The following MAX variants were observed in gnomAD, a reference collection of about 807,000 sequenced individuals.
The protein encoded by MAX is protein max.
Under a neutral mutation model 22.3 loss-of-function variants are expected in MAX, and 3 were observed. The observed-to-expected ratio is 0.13, with a 90% confidence interval of 0.06 to 0.35. The LOEUF (loss-of-function observed/expected upper bound fraction) is 0.35. Ranked by LOEUF, MAX falls within the 10% of genes least tolerant of loss-of-function variation. MAX has a pLI of 1.00. For synonymous variants in MAX, 72 were observed against 77.7 expected, an observed-to-expected ratio of 0.93 and a Z score of 0.39; for missense variants, 119 against 209.4, an observed-to-expected ratio of 0.57 and a Z score of 2.66.
At chr14:65,096,179 G>C (rs2063669291) in intron 2 of MAX, among the ~76,000 whole-genome samples, 1 of 152,220 alleles carries the variant, frequency 6.6e-6, no homozygotes. Context: ...TCTCAAAGTA[G>C]TGGATGGAAT....
rs191304972 is a variant in MAX, at chr14:65,069,581, C to A, written c.171+24127G>T. On this transcript the variant is annotated intron_variant, in intron 3 of 3. Coordinates refer to the MAX transcript ENST00000341653. This position sits in a 1 kb window ranked among gnomAD's most constrained non-coding sequence, Gnocchi z 4.6. Reference sequence around the variant, plus strand: ...CTCAAATACCCGAGGGTTGAACTCACGCAGAGGCAACCCTGGAACCGCCCT... The same window carrying A: ...CTCAAATACCCGAGGGTTGAACTCAAGCAGAGGCAACCCTGGAACCGCCCT... 1.6e-3 allele frequency among the ~76,000 whole-genome samples: 240 copies of A among 152,366 alleles called. 2 individuals carry two copies. Among genetic ancestry groups the A allele is most frequent in the African/African-American group, 5.1e-3 (214 of 41,580 alleles).
At chr14:65,092,935 A>G (rs888004816) in intron 3 of MAX, among the ~76,000 whole-genome samples, 5 of 152,228 alleles carry the variant, frequency 3.3e-5, no homozygotes, top group Non-Finnish European at 7.3e-5. Context: ...AGTTATTCCA[A>G]TGAATTGCTA....
At position 65,085,780 on chromosome 14, in the gene MAX, C is replaced by T. The variant is rs2063316360; in HGVS notation, c.172-7744G>A. ...GCAGGTAGGCCTTGTGAGCAGGGCT[C>T]ATCAATATGGAACCCCCAAGTCACC... On this transcript the variant is annotated intron_variant, in intron 3 of 4. Transcript: ENST00000358664. 2.6e-5 allele frequency among the ~76,000 whole-genome samples: 4 copies of T among 152,212 alleles called. No homozygotes were observed. The South Asian group carries it at 6.2e-4, about 24-fold the overall frequency.
Position 65,076,059 on chromosome 14 carries a change from C to T in MAX, c.*417G>A. ...AGCAGTTCAGATTCACAAAGTCTAT[C>T]AGAGGTGAGGGCGGGCCAGGAGGCC... On this transcript the variant is annotated 3_prime_UTR_variant, in exon 5 of 5. Coordinates refer to ENST00000358664, the MANE Select transcript of MAX (RefSeq NM_002382.5). This position sits in a 1 kb window ranked among gnomAD's most constrained non-coding sequence, Gnocchi z 6.6. The T allele has an allele frequency of 8.4e-7, 1 of 1,194,640 alleles. No individual in the cohort carries two copies. The highest frequency in any genetic ancestry group is 1.0e-6 in the Non-Finnish European group (1 of 960,012). The allele number at this position is 1,194,640 out of a possible 1,614,324, so 74.0% of individuals were successfully genotyped here.
chr14:65,035,782 C>T (rs1017374439), intron 3 of MAX, among the ~76,000 whole-genome samples: 1 of 152,036 alleles, frequency 6.6e-6, no homozygotes, highest in African/African-American at 2.4e-5. Flanking sequence ...TATCCACCCA[C>T]CTTGACCTAC....
At chr14:65,008,132 C>T (rs915115360) in intron 3 of MAX, among the ~76,000 whole-genome samples, 6 of 152,188 alleles carry the variant, frequency 3.9e-5, no homozygotes, top group African/African-American at 1.2e-4. Context: ...CACCTTTCCT[C>T]GATTGCTTTA....
intron 3 of MAX, among the ~76,000 whole-genome samples, chr14:65,024,750 A>G (rs1035141779): frequency 6.6e-6 from 1 of 152,008 alleles, no homozygotes; most frequent in Admixed American, 6.6e-5. Context: ...TCTTGTCTCT[A>G]TGATAAGTTT....
intron 3 of MAX, among the ~76,000 whole-genome samples, chr14:65,050,317 C>T (rs1354781380): frequency 2.0e-5 from 3 of 152,142 alleles, no homozygotes; most frequent in South Asian, 2.1e-4. Context: ...TAAAGCTGGC[C>T]GGGCGTGGTG....
At chr14:65,098,323 G>A (rs2063727520) in intron 2 of MAX, among the ~76,000 whole-genome samples, 1 of 152,204 alleles carries the variant, frequency 6.6e-6, no homozygotes, top group Non-Finnish European at 1.5e-5. Context: ...AATCTCGGAG[G>A]CTACCAAGCT....
intron 3 of MAX, among the ~76,000 whole-genome samples, chr14:65,048,182 T>C (rs1411631820): frequency 6.6e-6 from 1 of 151,726 alleles, no homozygotes; most frequent in Non-Finnish European, 1.5e-5. Flanking sequence ...AGGATATGAC[T>C]ATGTTGGCCT....
Position 65,027,649 on chromosome 14 carries a change from C to A in MAX, c.172-21365G>T. The A allele has an allele frequency of 6.2e-7, 1 of 1,614,050 alleles. No homozygotes were observed. The highest frequency in any genetic ancestry group is 2.2e-5 in the East Asian group (1 of 44,878). ...GAAACCTAGAGGAGTTCCCCGCCTG[C>A]TGACACGCACTGACTGTTGCCTCTC... On this transcript the variant is annotated intron_variant, in intron 3 of 3. Coordinates refer to the MAX transcript ENST00000341653. This position sits in a 1 kb window ranked among gnomAD's most constrained non-coding sequence, Gnocchi z 5.7.
intron 3 of MAX, among the ~76,000 whole-genome samples, chr14:65,038,693 C>T (rs1431166342): frequency 1.3e-5 from 2 of 152,076 alleles, no homozygotes; most frequent in Non-Finnish European, 2.9e-5. Flanking sequence ...ACTCCAGCCT[C>T]GGCATCAGAG....
chr14:65,027,582 C>T lies in MAX; in HGVS notation c.172-21298G>A. 2 of 1,614,158 alleles carry T rather than the reference C, an allele frequency of 1.2e-6. No individual in the cohort carries two copies. Among genetic ancestry groups the T allele is most frequent in the Non-Finnish European group, 1.7e-6 (2 of 1,180,020 alleles). On this transcript the variant is annotated intron_variant, in intron 3 of 3. Coordinates refer to the MAX transcript ENST00000341653. This position sits in a 1 kb window ranked among gnomAD's most constrained non-coding sequence, Gnocchi z 5.7. ...TGTGCATCATTGGCACCGAGGAGGC[C>T]TATGACATCATTAACAGGTACAGTG...
chr14:65,015,589 G>C, intron 3 of MAX: 1 of 1,611,186 alleles, frequency 6.2e-7, no homozygotes, highest in Non-Finnish European at 8.5e-7. Context: ...GAGTGATTGT[G>C]AATAAGGGAT....
intron 3 of MAX, chr14:65,081,980 A>C (rs1453526960): frequency 6.6e-6 from 1 of 152,184 alleles, no homozygotes; most frequent in African/African-American, 2.4e-5. Flanking sequence ...ATAGCAACAC[A>C]AGTGACAATG....
intron 3 of MAX, among the ~76,000 whole-genome samples, chr14:65,049,280 T>C (rs183553872): frequency 1.7e-3 from 253 of 152,352 alleles, no homozygotes; most frequent in Middle Eastern, 3.4e-3. Context: ...CTTTTGGACA[T>C]ACCCTGGAAT....
In MAX at chr14:65,078,354, A is replaced by ATG. The variant is rs2063116327; in HGVS notation, c.172-319_172-318insCA. On this transcript the variant is annotated intron_variant, in intron 3 of 4. Coordinates refer to ENST00000358664, the MANE Select transcript of MAX (RefSeq NM_002382.5). This position sits in a 1 kb window ranked among gnomAD's most constrained non-coding sequence, Gnocchi z 6.4. Reference sequence around the variant, plus strand: ...GTAGCTAGGATTATAGGTGTGCGCCACCACGCCCATCTAATTTTTTTGTAT... The same window carrying ATG: ...GTAGCTAGGATTATAGGTGTGCGCCATGCCACGCCCATCTAATTTTTTTGTAT... Among the ~76,000 whole-genome samples the ATG allele has an allele frequency of 6.6e-6, 1 of 152,134 alleles. No homozygotes were observed. Among genetic ancestry groups the ATG allele is most frequent in the Non-Finnish European group, 1.5e-5 (1 of 67,988 alleles).
At position 65,093,731 on chromosome 14, in the gene MAX, C is replaced by T; in HGVS notation, c.148G>A (p.Val50Ile). ...KDSFHSLRDS[V>I]PSLQGEKASR... ...ACCTTCTCTCCTTGGAGTGATGGGACTGAGTCCCGCAAACTGTGAAAGCTG... is the reference window on the plus strand; with the variant it reads ...ACCTTCTCTCCTTGGAGTGATGGGATTGAGTCCCGCAAACTGTGAAAGCTG... Residue 50 changes from valine to isoleucine, a missense_variant, in exon 3 of 5, where the codon GTC becomes ATC. Coordinates refer to ENST00000358664, the MANE Select transcript of MAX (RefSeq NM_002382.5). This position sits in a 1 kb window ranked among gnomAD's most constrained non-coding sequence, Gnocchi z 4.4. 1 of 1,607,904 alleles carries T rather than the reference C, an allele frequency of 6.2e-7. No homozygotes were observed. Among genetic ancestry groups the T allele is most frequent in the Non-Finnish European group, 8.5e-7 (1 of 1,174,260 alleles).
chr14:65,068,685 CCA>C (rs2062956363), intron 3 of MAX, among the ~76,000 whole-genome samples: 1 of 152,066 alleles, frequency 6.6e-6, no homozygotes, highest in Non-Finnish European at 1.5e-5. Flanking sequence ...TTAACAGACC[CCA>C]CACTTTCTTA....
Sources: allele counts gnomAD v4.1 joint callset (sites outside exome capture counted in the v4.1 genomes callset), GRCh38; gene constraint gnomAD v4.1.1; non-coding constraint Gnocchi (gnomAD v3.1); transcripts MANE v1.5; gene names NCBI Gene and HGNC (gene_info 2026-07-23, HGNC 2026-07-21).